The following VPS13B variants were observed in gnomAD, a reference collection of about 807,000 sequenced individuals.
VPS13B encodes vacuolar protein sorting 13 homolog B.
In VPS13B, 285 loss-of-function variants were observed where a neutral mutation model predicts 426.4. The ratio of observed to expected loss-of-function variants is 0.67; its 90% CI spans 0.61 to 0.74. The LOEUF (loss-of-function observed/expected upper bound fraction) is 0.74. Among genes scored for constraint, VPS13B ranks in the 30% least tolerant of loss-of-function variants. The pLI is 0.00. For missense variants in VPS13B, 4,537 were observed against 4,782.6 expected (o/e 0.95, Z 1.51); for synonymous variants, 1,676 against 1,676.4 (o/e 1.00, Z 0.01).
chr8:99,337,537 A>T (rs962362066), intron 19 of VPS13B, among the ~76,000 whole-genome samples: 2 of 152,148 alleles, frequency 1.3e-5, no homozygotes, highest in African/African-American at 2.4e-5. Context: ...AAGGGGAAAA[A>T]AAAAAAGAGT....
chr8:99,717,395 T>A, intron 37 of VPS13B, 22 bp downstream of exon 37: 2 of 1,603,430 alleles, frequency 1.2e-6, no homozygotes, highest in Non-Finnish European at 1.7e-6. Context: ...TTGGCCATAT[T>A]TTTTTCATAG....
intron 33 of VPS13B, among the ~76,000 whole-genome samples, chr8:99,601,620 T>A (rs1272040490): frequency 1.3e-5 from 2 of 152,188 alleles, no homozygotes; most frequent in Non-Finnish European, 2.9e-5. Context: ...CCACCAACAG[T>A]GTAAAATTGT....
intron 16 of VPS13B, among the ~76,000 whole-genome samples, chr8:99,174,546 C>T (rs1812526510): frequency 6.6e-6 from 1 of 152,090 alleles, no homozygotes; most frequent in South Asian, 2.1e-4. Flanking sequence ...TTGCATTTTC[C>T]TAATGATTAG....
intron 33 of VPS13B, among the ~76,000 whole-genome samples, chr8:99,628,535 A>G (rs1293319963): frequency 6.6e-6 from 1 of 152,214 alleles, no homozygotes; most frequent in African/African-American, 2.4e-5. Context: ...TATGTGCCCA[A>G]CACTACATAT....
intron 19 of VPS13B, among the ~76,000 whole-genome samples, chr8:99,383,751 A>G (rs1813965032): frequency 6.6e-6 from 1 of 152,204 alleles, no homozygotes; most frequent in Non-Finnish European, 1.5e-5. Context: ...TTCACTTAAT[A>G]TAATGTTTTC....
chr8:99,391,209 A>G (rs759527514), intron 20 of VPS13B, among the ~76,000 whole-genome samples: 11 of 152,100 alleles, frequency 7.2e-5, no homozygotes, highest in Non-Finnish European at 1.3e-4. Flanking sequence ...TTTAATTTTA[A>G]CTTGCTCTTT....
At chr8:99,197,539 TG>T (rs1358834665) in intron 17 of VPS13B, among the ~76,000 whole-genome samples, 1 of 152,212 alleles carries the variant, frequency 6.6e-6, no homozygotes, top group Non-Finnish European at 1.5e-5. Context: ...TAAATGTGTC[TG>T]GGAATTTATT....
chr8:99,156,388 T>C (rs574836608), intron 14 of VPS13B, among the ~76,000 whole-genome samples, 161 bp from the exon 15 acceptor site: 9 of 152,328 alleles, frequency 5.9e-5, no homozygotes, highest in East Asian at 1.9e-4. Flanking sequence ...TGGAAAGACA[T>C]TTGTTATTTG....
At position 99,854,167 on chromosome 8, in the gene VPS13B, T is replaced by C; in HGVS notation, c.10778T>C (p.Val3593Ala). The part of the protein sequence containing the change: ...ASDHTPLSFS[V>A]FERGPIFTTA... Reference sequence around the variant, plus strand: ...GACCACACTCCTCTCTCCTTCTCGGTGTTTGAAAGAGGACCCATCTTCACC... The same window carrying C: ...GACCACACTCCTCTCTCCTTCTCGGCGTTTGAAAGAGGACCCATCTTCACC... Residue 3593 changes from valine (V) to alanine (A), a missense_variant, in exon 56 of 62, where the codon GTG becomes GCG. Physicochemically the swap from Val to Ala is moderately conservative, Grantham distance 64. Around this residue, in one of 2 missense-constraint regions of VPS13B, gnomAD observed 4,311 missense variants for 4,474.3 expected, o/e 0.96. Coordinates refer to ENST00000357162, the MANE Select transcript of VPS13B (RefSeq NM_152564.5). The C allele has an allele frequency of 6.2e-7, 1 of 1,613,810 alleles. No homozygotes were observed. The highest frequency in any genetic ancestry group is 8.5e-7 in the Non-Finnish European group (1 of 1,179,980).
intron 31 of VPS13B, among the ~76,000 whole-genome samples, chr8:99,558,732 C>T (rs1419985757): frequency 4.6e-5 from 7 of 152,170 alleles, no homozygotes; most frequent in Non-Finnish European, 7.3e-5. Flanking sequence ...CTACAAAGGA[C>T]GTGAACTCAT....
At chr8:99,476,784 T>C (rs1819714333) in intron 24 of VPS13B, among the ~76,000 whole-genome samples, 3 of 152,174 alleles carry the variant, frequency 2.0e-5, no homozygotes, top group Admixed American at 2.0e-4. Flanking sequence ...GAAAAGACTC[T>C]ATCACCAGTA....
intron 25 of VPS13B, among the ~76,000 whole-genome samples, chr8:99,496,184 T>C (rs1268285819): frequency 1.3e-5 from 2 of 152,198 alleles, no homozygotes; most frequent in Non-Finnish European, 2.9e-5. Context: ...TAAAGATAAA[T>C]AAAACTTTAT....
chr8:99,149,968 A>T (rs1188457430), intron 14 of VPS13B, among the ~76,000 whole-genome samples: 4 of 152,186 alleles, frequency 2.6e-5, no homozygotes, highest in African/African-American at 9.7e-5. Flanking sequence ...GTCTTCAATG[A>T]AATTAATCTC....
chr8:99,023,653 G>A (rs1186034752), intron 2 of VPS13B, among the ~76,000 whole-genome samples: 4 of 151,796 alleles, frequency 2.6e-5, no homozygotes, highest in Non-Finnish European at 5.9e-5. Flanking sequence ...GCTAATTTTT[G>A]TATTTTTAGT....
intron 43 of VPS13B, among the ~76,000 whole-genome samples, chr8:99,785,935 CT>C (rs1345105934): frequency 6.6e-6 from 1 of 152,176 alleles, no homozygotes; most frequent in Admixed American, 6.5e-5. Context: ...CCTGTAGCCA[CT>C]TTACCGATGC....
rs571909570 is a variant in VPS13B, at chr8:99,306,127, G to A, written c.2824+30873G>A. 6.6e-5 allele frequency among the ~76,000 whole-genome samples: 10 copies of A among 152,228 alleles called. No homozygotes were observed. In the South Asian group the frequency reaches 1.0e-3, roughly 16 times the overall value. On this transcript the variant is annotated intron_variant, in intron 19 of 61. Transcript: ENST00000357162. ...CAATTTAAGGGCATCTGGCAACTAG[G>A]AAGACTAATCCTTGGAGTGAATTAA... is the stretch of plus-strand genomic sequence containing the variant.
chr8:99,259,197 G>A (rs949919248), intron 17 of VPS13B, among the ~76,000 whole-genome samples: 2 of 151,972 alleles, frequency 1.3e-5, no homozygotes, highest in Non-Finnish European at 2.9e-5. Context: ...CTCATGATGT[G>A]TTTAATTTCT....
intron 23 of VPS13B, among the ~76,000 whole-genome samples, chr8:99,457,801 A>T (rs554062386): frequency 7.2e-5 from 11 of 152,136 alleles, no homozygotes; most frequent in African/African-American, 2.4e-4. Flanking sequence ...TATTTTCTTT[A>T]AAGTGTTCTG....
chr8:99,440,105 A>C (rs1199960126), intron 22 of VPS13B, among the ~76,000 whole-genome samples: 1 of 152,172 alleles, frequency 6.6e-6, no homozygotes, highest in Non-Finnish European at 1.5e-5. Context: ...CCTTCACTTT[A>C]ACACATGAAT....
Sources: gnomAD v4.1 joint callset for allele counts (sites outside exome capture counted in the v4.1 genomes callset) on GRCh38, gnomAD v4.1.1 for gene constraint, gnomAD v4.1.1 regional missense constraint, MANE v1.5 for transcripts, NCBI Gene and HGNC (gene_info 2026-07-23, HGNC 2026-07-21) for gene names.